TRPM6: variants seen among roughly 807,000 people sequenced by gnomAD.
The protein encoded by TRPM6 is channel kinase 2.
In TRPM6, 111 loss-of-function variants were observed where a neutral mutation model predicts 247.6. The observed-to-expected ratio is 0.45, with a 90% CI of 0.38 to 0.52. The LOEUF is 0.52. Among genes scored for constraint, TRPM6 ranks in the 20% least tolerant of loss-of-function variants. The probability of loss-of-function intolerance (pLI) is 0.00; values close to 1 mark genes in which losing one functional copy is unlikely to be tolerated. For missense variants in TRPM6, 2,126 were observed against 2,421.5 expected, an observed-to-expected ratio of 0.88 and a Z score of 2.56; for synonymous variants, 892 against 853.8, an observed-to-expected ratio of 1.04 and a Z score of -0.78.
intron 31 of TRPM6, 34 bp from the exon 32 acceptor site, chr9:74,744,179 C>T (rs764570445): frequency 1.2e-6 from 2 of 1,600,288 alleles, no homozygotes; most frequent in Non-Finnish European, 8.6e-7. Context: ...ATTTTAATTA[C>T]ATGGCTGGAG....
In TRPM6 at chr9:74,809,351, T is replaced by A. The variant is rs555138921; in HGVS notation, c.1498-1177A>T. Among the ~76,000 whole-genome samples the A allele has an allele frequency of 6.4e-4, 97 of 152,328 alleles. No homozygotes were observed. In the South Asian group the frequency reaches 0.019, roughly 30 times the overall value. On this transcript the variant is annotated intron_variant, in intron 13 of 38. Coordinates refer to ENST00000360774, the MANE Select transcript of TRPM6 (RefSeq NM_017662.5). ...TCACTTTTAAACTGCCCATTTATAG[T>A]AAATTTTTAAAGGCACACAGAGTGT...
chr9:74,800,218 A>G, intron 17 of TRPM6, 36 bp downstream of exon 17: 1 of 1,575,042 alleles, frequency 6.3e-7, no homozygotes, highest in South Asian at 1.1e-5. Context: ...TACAAGACTA[A>G]CATTAAACTC....
chr9:74,766,640 G>A (rs895430913), intron 25 of TRPM6, among the ~76,000 whole-genome samples: 4 of 152,142 alleles, frequency 2.6e-5, no homozygotes, highest in African/African-American at 9.7e-5. Flanking sequence ...GCCGGGCACA[G>A]TGGCTCATGC....
intron 9 of TRPM6, among the ~76,000 whole-genome samples, chr9:74,819,308 C>CAAAA (rs35593869): frequency 3.9e-5 from 5 of 127,182 alleles, no homozygotes; most frequent in Admixed American, 2.4e-4. Flanking sequence ...GGCCCTGTCT[C>CAAAA]AAAAAAAAAA....
chr9:74,803,979 A>G (rs1176590206), intron 14 of TRPM6, 93 bp from the exon 15 acceptor site: 1 of 820,932 alleles, frequency 1.2e-6, no homozygotes, highest in East Asian at 2.5e-5. Context: ...TATAGTGGTA[A>G]CAATATTTTA....
At chr9:74,881,457 G>A (rs992834923) in intron 1 of TRPM6, among the ~76,000 whole-genome samples, 7 of 151,996 alleles carry the variant, frequency 4.6e-5, no homozygotes, top group Admixed American at 1.3e-4. Flanking sequence ...AATATTATTC[G>A]ATCAAACAGA....
chr9:74,772,555 T>C (rs1827083858), intron 24 of TRPM6, among the ~76,000 whole-genome samples: 1 of 152,232 alleles, frequency 6.6e-6, no homozygotes, highest in South Asian at 2.1e-4. Flanking sequence ...ATTCATATAA[T>C]CACATCAGGG....
chr9:74,812,403 C>T lies in TRPM6; in HGVS notation c.1339G>A (p.Ala447Thr). The T allele has an allele frequency of 6.2e-7, 1 of 1,614,024 alleles. No individual in the cohort carries two copies. Among genetic ancestry groups the T allele is most frequent in the Non-Finnish European group, 8.5e-7 (1 of 1,179,966 alleles). Residue 447 changes from alanine (A) to threonine (T), a missense_variant, in exon 12 of 39, where the codon GCT becomes ACT. Ala to Thr is a moderately conservative substitution (Grantham distance 58). This residue lies in a region of TRPM6 where 1,082 missense variants were observed against 1,307.9 expected (regional missense o/e 0.83). Transcript: ENST00000360774. ...AAATCCACCCGATCCATCACTAAAG[C>T]ATCTGACATTGCTTGTTCCAGGGCA... ...PDALEQAMSD[A>T]LVMDRVDFVK... is the part of the protein sequence containing the mutation.
At chr9:74,737,805 T>C (rs991727342) in intron 36 of TRPM6, among the ~76,000 whole-genome samples, 8 of 152,270 alleles carry the variant, frequency 5.3e-5, no homozygotes, top group Non-Finnish European at 1.0e-4. Context: ...CAATACATAT[T>C]TTGTTCTGTC....
intron 30 of TRPM6, among the ~76,000 whole-genome samples, chr9:74,750,252 T>C (rs1826196968): frequency 6.6e-6 from 1 of 152,188 alleles, no homozygotes. Flanking sequence ...AAAAAATAAT[T>C]ATTTTTAAAA....
At chr9:74,877,222 C>A (rs1158188979) in intron 1 of TRPM6, among the ~76,000 whole-genome samples, 1 of 152,100 alleles carries the variant, frequency 6.6e-6, no homozygotes, top group Non-Finnish European at 1.5e-5. Flanking sequence ...TCCTAGGTAT[C>A]GCCCCAAAAG....
intron 16 of TRPM6, among the ~76,000 whole-genome samples, 188 bp downstream of exon 16, chr9:74,801,710 G>GGTGA (rs1828344839): frequency 6.6e-6 from 1 of 152,162 alleles, no homozygotes; most frequent in African/African-American, 2.4e-5. Context: ...CTGACTTGAA[G>GGTGA]GTCACCTCTC....
intron 13 of TRPM6, among the ~76,000 whole-genome samples, chr9:74,809,950 G>C (rs1423840273): frequency 1.6e-5 from 2 of 121,376 alleles, no homozygotes; most frequent in African/African-American, 6.3e-5. Flanking sequence ...TTGCACTCCA[G>C]CCTGGGCAAG....
At chr9:74,856,788 C>G (rs1319874858) in intron 2 of TRPM6, among the ~76,000 whole-genome samples, 1 of 151,718 alleles carries the variant, frequency 6.6e-6, no homozygotes, top group Non-Finnish European at 1.5e-5. Context: ...TCCTGTGCAC[C>G]AATAATGAAG....
At chr9:74,785,748 C>T (rs1035564095) in intron 21 of TRPM6, 126 bp downstream of exon 21, 71 of 1,035,990 alleles carry the variant, frequency 6.9e-5, no homozygotes, top group African/African-American at 5.2e-4. Flanking sequence ...TGTTCTTGAT[C>T]TCCTGACCTT....
At chr9:74,731,026 A>G (rs548238776) in intron 37 of TRPM6, among the ~76,000 whole-genome samples, 56 of 152,298 alleles carry the variant, frequency 3.7e-4, no homozygotes, top group African/African-American at 1.2e-3. Context: ...TCAGGGCCCT[A>G]TCTTCAGAGA....
At chr9:74,734,661 G>A (rs932912589) in intron 36 of TRPM6, among the ~76,000 whole-genome samples, 4 of 152,098 alleles carry the variant, frequency 2.6e-5, no homozygotes, top group African/African-American at 9.7e-5. Context: ...TCAGTTACTT[G>A]TATTATTTTT....
intron 11 of TRPM6, among the ~76,000 whole-genome samples, chr9:74,814,394 GA>G (rs1443393136): frequency 6.6e-6 from 1 of 152,098 alleles, no homozygotes; most frequent in Non-Finnish European, 1.5e-5. Flanking sequence ...TAGCACAACA[GA>G]ATGACTATAG....
intron 11 of TRPM6, among the ~76,000 whole-genome samples, chr9:74,816,152 A>G (rs527418533): frequency 6.6e-6 from 1 of 152,338 alleles, no homozygotes; most frequent in Non-Finnish European, 1.5e-5. Context: ...CAGGAGTTCA[A>G]GACCAGCCTG....
Sources: gnomAD v4.1 joint callset for allele counts (sites outside exome capture counted in the v4.1 genomes callset) on GRCh38, gnomAD v4.1.1 for gene constraint, gnomAD v4.1.1 regional missense constraint, MANE v1.5 for transcripts, NCBI Gene and HGNC (gene_info 2026-07-23, HGNC 2026-07-21) for gene names.